PDE1C: variants seen among roughly 807,000 people sequenced by gnomAD.
PDE1C encodes phosphodiesterase 1C.
In PDE1C, 62 loss-of-function variants were observed where a neutral mutation model predicts 93.1. That is an observed-to-expected ratio of 0.67 (90% CI 0.54 to 0.82). The LOEUF is 0.82. Ranked by LOEUF, PDE1C falls within the 40% of genes least tolerant of loss-of-function variation. The pLI, the probability that PDE1C is intolerant of heterozygous loss-of-function variation, is 0.00. For synonymous variants in PDE1C, 325 were observed against 310.1 expected (o/e 1.05, Z -0.50); for missense variants, 742 against 884.6 (o/e 0.84, Z 2.04).
the PDE1C span, among the ~76,000 whole-genome samples, chr7:31,718,315 TG>T: frequency 6.7e-6 from 1 of 150,352 alleles, no homozygotes; most frequent in Non-Finnish European, 1.5e-5. Context: ...AAGAGATTGA[TG>T]GGAGAGACAG....
intron 1 of PDE1C, among the ~76,000 whole-genome samples, chr7:32,324,208 T>C (rs1177484427): frequency 1.3e-5 from 2 of 152,238 alleles, no homozygotes; most frequent in Non-Finnish European, 2.9e-5. Flanking sequence ...TCTCATGCTA[T>C]TATATGGCCC....
At chr7:31,853,013 G>C (rs1426937505) in intron 7 of PDE1C, among the ~76,000 whole-genome samples, 1 of 144,574 alleles carries the variant, frequency 6.9e-6, no homozygotes, top group Non-Finnish European at 1.5e-5. Flanking sequence ...ATGAATGGGA[G>C]ACAGTGTAAC....
chr7:31,731,893 C>G, the PDE1C span, among the ~76,000 whole-genome samples: 1 of 152,190 alleles, frequency 6.6e-6, no homozygotes, highest in African/African-American at 2.4e-5. Context: ...CATGGTTTAC[C>G]TTTCCTAGTG....
intron 2 of PDE1C, among the ~76,000 whole-genome samples, chr7:31,972,679 A>G (rs1298262664): frequency 6.6e-6 from 1 of 152,210 alleles, no homozygotes; most frequent in African/African-American, 2.4e-5. Flanking sequence ...GAAAGGTGAA[A>G]GAAGAACACA....
chr7:32,372,372 C>T (rs1784349524), intron 1 of PDE1C, among the ~76,000 whole-genome samples: 1 of 151,998 alleles, frequency 6.6e-6, no homozygotes, highest in African/African-American at 2.4e-5. Flanking sequence ...GACAAGGGTA[C>T]CAAGACAATT....
At chr7:32,097,825 C>T (rs1385995112) in intron 3 of PDE1C, among the ~76,000 whole-genome samples, 1 of 152,120 alleles carries the variant, frequency 6.6e-6, no homozygotes, top group African/African-American at 2.4e-5. Flanking sequence ...ATGAGATTAA[C>T]GAAAGTAAGC....
intron 11 of PDE1C, among the ~76,000 whole-genome samples, chr7:31,836,641 C>T (rs908448345): frequency 6.6e-6 from 1 of 152,126 alleles, no homozygotes; most frequent in African/African-American, 2.4e-5. Context: ...CCGATCCTGC[C>T]TATTCTTATA....
intron 3 of PDE1C, among the ~76,000 whole-genome samples, chr7:32,134,794 A>G (rs1183667674): frequency 6.6e-6 from 1 of 152,186 alleles, no homozygotes; most frequent in Non-Finnish European, 1.5e-5. Flanking sequence ...CAGATAGGAC[A>G]GATAGCTAAT....
chr7:32,107,497 T>C (rs777475516), intron 3 of PDE1C, among the ~76,000 whole-genome samples: 6 of 152,060 alleles, frequency 3.9e-5, no homozygotes, highest in Admixed American at 2.0e-4. Context: ...GTTTAAAGCA[T>C]TGAATGAAAA....
At chr7:32,039,889 C>A (rs962990364) in intron 2 of PDE1C, among the ~76,000 whole-genome samples, 1 of 152,266 alleles carries the variant, frequency 6.6e-6, no homozygotes, top group South Asian at 2.1e-4. Context: ...TGATTTTGTG[C>A]TTTTCAGGAC....
At chr7:31,679,352 G>C in the PDE1C span, among the ~76,000 whole-genome samples, 9 of 152,208 alleles carry the variant, frequency 5.9e-5, no homozygotes, top group Non-Finnish European at 1.3e-4. Context: ...ATCAAGTGCA[G>C]AAGTTATAGC....
chr7:32,057,575 G>A (rs1350001694), intron 1 of PDE1C, among the ~76,000 whole-genome samples: 2 of 152,164 alleles, frequency 1.3e-5, no homozygotes, highest in African/African-American at 4.8e-5. Flanking sequence ...GCTCTCCACG[G>A]CAGTGTCATA....
chr7:32,042,937 A>G (rs1355189640), intron 2 of PDE1C, among the ~76,000 whole-genome samples: 1 of 152,222 alleles, frequency 6.6e-6, no homozygotes, highest in Admixed American at 6.5e-5. Flanking sequence ...CTTTACAGAC[A>G]AGGACACTGA....
At chr7:31,748,393 C>T (rs79190707), downstream of PDE1C, among the ~76,000 whole-genome samples, 1,317 of 152,278 alleles carry the variant, frequency 8.6e-3, 12 homozygotes, top group African/African-American at 0.025. Context: ...CGAGATGGTT[C>T]TATAAGCTTG....
chr7:32,257,722 A>G (rs921364391), intron 1 of PDE1C, among the ~76,000 whole-genome samples: 2 of 152,170 alleles, frequency 1.3e-5, no homozygotes, highest in African/African-American at 4.8e-5. Flanking sequence ...CAAGATCACA[A>G]TCACTTCAAT....
chr7:31,981,645 G>A (rs1156685736), intron 2 of PDE1C, among the ~76,000 whole-genome samples: 1 of 152,276 alleles, frequency 6.6e-6, no homozygotes, highest in East Asian at 1.9e-4. Flanking sequence ...TTAAAAGTAT[G>A]TCTTCCCACT....
intron 9 of PDE1C, among the ~76,000 whole-genome samples, chr7:31,846,104 T>C (rs1792540951): frequency 1.3e-5 from 2 of 152,148 alleles, no homozygotes; most frequent in Admixed American, 6.6e-5. Context: ...GATATTTAGA[T>C]CGTGTATAAT....
the PDE1C span, among the ~76,000 whole-genome samples, chr7:31,646,813 G>A: frequency 1.3e-5 from 2 of 152,274 alleles, no homozygotes; most frequent in East Asian, 1.9e-4. Context: ...GCCACCATCC[G>A]AAAGCTTCTA....
At chr7:32,223,801 C>T (rs977170163) in intron 1 of PDE1C, among the ~76,000 whole-genome samples, 9 of 152,156 alleles carry the variant, frequency 5.9e-5, no homozygotes, top group East Asian at 1.9e-4. Flanking sequence ...CTGGGTCCTG[C>T]GGGTGCTTGA....
Sources: gnomAD v4.1 joint callset for allele counts (sites outside exome capture counted in the v4.1 genomes callset) on GRCh38, gnomAD v4.1.1 for gene constraint, MANE v1.5 for transcripts, NCBI Gene and HGNC (gene_info 2026-07-23, HGNC 2026-07-21) for gene names.